Variants in AUTS2 observed in about 807,000 individuals in gnomAD.
AUTS2 encodes autism susceptibility gene 2 protein.
A neutral mutation model predicts 112.4 loss-of-function variants in AUTS2; 17 were observed. That is an observed-to-expected ratio of 0.15 (90% CI 0.10 to 0.23). AUTS2 has a LOEUF of 0.23. Among genes scored for constraint, AUTS2 ranks in the 10% least tolerant of loss-of-function variants. The pLI, the probability that AUTS2 is intolerant of heterozygous loss-of-function variation, is 1.00. For missense variants in AUTS2, 1,510 were observed against 1,701.6 expected (o/e 0.89, Z 1.98); for synonymous variants, 751 against 702.7 (o/e 1.07, Z -1.09).
At chr7:70,685,927 C>G (rs1808453469) in intron 5 of AUTS2, among the ~76,000 whole-genome samples, 2 of 152,184 alleles carry the variant, frequency 1.3e-5, no homozygotes, top group South Asian at 4.1e-4. Flanking sequence ...GAAGCTGCAC[C>G]CATGCCCGGG....
At chr7:70,392,566 A>C (rs1285552797) in intron 4 of AUTS2, among the ~76,000 whole-genome samples, 1 of 152,210 alleles carries the variant, frequency 6.6e-6, no homozygotes, top group African/African-American at 2.4e-5. Flanking sequence ...CAAGATTATT[A>C]TATTAAGTGT....
At chr7:69,837,204 G>C (rs561702698) in intron 1 of AUTS2, among the ~76,000 whole-genome samples, 4 of 152,180 alleles carry the variant, frequency 2.6e-5, no homozygotes, top group African/African-American at 9.7e-5. Context: ...TGAGGATTCT[G>C]TGAAACAAAT....
intron 5 of AUTS2, among the ~76,000 whole-genome samples, chr7:70,529,394 AAGTG>A (rs2129497411): frequency 6.6e-6 from 1 of 152,332 alleles, no homozygotes; most frequent in East Asian, 1.9e-4. Context: ...CAAATGGAGA[AAGTG>A]AGGCTTGGAG....
intron 3 of AUTS2, among the ~76,000 whole-genome samples, chr7:70,131,205 A>G (rs1033654831): frequency 2.6e-5 from 4 of 152,038 alleles, no homozygotes; most frequent in Admixed American, 2.6e-4. Flanking sequence ...TAATCCCAAC[A>G]CTTGGGAAGC....
chr7:70,234,209 T>G (rs1373761649), intron 4 of AUTS2, among the ~76,000 whole-genome samples: 2 of 152,196 alleles, frequency 1.3e-5, no homozygotes, highest in African/African-American at 4.8e-5. Flanking sequence ...ATTAATATAT[T>G]AATGTATTAT....
chr7:70,283,450 T>C (rs1788314766), intron 4 of AUTS2, among the ~76,000 whole-genome samples: 1 of 151,946 alleles, frequency 6.6e-6, no homozygotes, highest in East Asian at 1.9e-4. Context: ...TGACATGCCA[T>C]TGATGTTAAG....
intron 2 of AUTS2, among the ~76,000 whole-genome samples, chr7:70,113,883 T>C (rs545371459): frequency 6.6e-6 from 1 of 152,258 alleles, no homozygotes; most frequent in East Asian, 1.9e-4. Context: ...CAGTCTAGGG[T>C]GATGGGACTT....
intron 5 of AUTS2, among the ~76,000 whole-genome samples, chr7:70,480,642 A>G (rs540153625): frequency 1.3e-5 from 2 of 152,266 alleles, no homozygotes; most frequent in East Asian, 3.9e-4. Flanking sequence ...GAGTCCATCA[A>G]TCCACAGCCC....
At chr7:69,840,888 T>C (rs1791948528) in intron 1 of AUTS2, among the ~76,000 whole-genome samples, 1 of 152,192 alleles carries the variant, frequency 6.6e-6, no homozygotes, top group South Asian at 2.1e-4. Context: ...AGCATTTGCA[T>C]CCTGCAGTGA....
intron 5 of AUTS2, among the ~76,000 whole-genome samples, chr7:70,440,767 G>A (rs1796093059): frequency 6.6e-6 from 1 of 152,196 alleles, no homozygotes; most frequent in African/African-American, 2.4e-5. Context: ...GTACTGTCCT[G>A]GAGGGATCAA....
intron 4 of AUTS2, among the ~76,000 whole-genome samples, chr7:70,347,022 CTGGCTCTG>C (rs1326327839): frequency 1.3e-5 from 2 of 152,190 alleles, no homozygotes; most frequent in Non-Finnish European, 2.9e-5. Flanking sequence ...GTCCCTTTAT[CTGGCTCTG>C]TGCATGACTG....
At chr7:69,796,950 C>T (rs1448963746) in intron 1 of AUTS2, among the ~76,000 whole-genome samples, 1 of 152,084 alleles carries the variant, frequency 6.6e-6, no homozygotes, top group Admixed American at 6.5e-5. Context: ...TCAGTTTGCA[C>T]CAGGAGTTTT....
intron 4 of AUTS2, among the ~76,000 whole-genome samples, chr7:70,354,977 T>C (rs1318767020): frequency 6.6e-6 from 1 of 151,466 alleles, no homozygotes; most frequent in African/African-American, 2.4e-5. Flanking sequence ...TGTGTGTGTA[T>C]GTATGGGTGT....
chr7:70,244,516 A>G (rs1247605864), intron 4 of AUTS2, among the ~76,000 whole-genome samples: 1 of 152,214 alleles, frequency 6.6e-6, no homozygotes, highest in Non-Finnish European at 1.5e-5. Flanking sequence ...ATCTATTCCT[A>G]AAGGATTCAA....
chr7:69,983,477 A>T (rs1424260667), intron 2 of AUTS2, among the ~76,000 whole-genome samples: 1 of 152,032 alleles, frequency 6.6e-6, no homozygotes, highest in African/African-American at 2.4e-5. Context: ...TGGAAAACAC[A>T]TGGTAACCTG....
At chr7:69,651,405 C>T (rs1045651340) in intron 1 of AUTS2, among the ~76,000 whole-genome samples, 2 of 152,190 alleles carry the variant, frequency 1.3e-5, no homozygotes, top group South Asian at 2.1e-4. Context: ...CATTTTACTC[C>T]GTGGCTAATA....
At chr7:70,785,285 C>G (rs1791373915) in intron 16 of AUTS2, 1 of 615,120 alleles carries the variant, frequency 1.6e-6, no homozygotes, top group South Asian at 1.7e-5. Context: ...TGGGTGAGAG[C>G]CATTCCTTGG....
intron 2 of AUTS2, among the ~76,000 whole-genome samples, chr7:70,102,928 C>T (rs954525438): frequency 1.3e-5 from 2 of 152,016 alleles, no homozygotes; most frequent in Admixed American, 1.3e-4. Flanking sequence ...TATATTAATG[C>T]AATTAATATA....
At chr7:70,775,188 G>A in intron 12 of AUTS2, 169 bp from the exon 13 acceptor site, 2 of 620,050 alleles carry the variant, frequency 3.2e-6, no homozygotes, top group East Asian at 2.8e-5. Context: ...GGGACACTTG[G>A]CACTTTTGAT....
Sources: allele counts gnomAD v4.1 joint callset (sites outside exome capture counted in the v4.1 genomes callset), GRCh38; gene constraint gnomAD v4.1.1; transcripts MANE v1.5; gene names NCBI Gene and HGNC (gene_info 2026-07-23, HGNC 2026-07-21).